The following MAP6 variants were observed in gnomAD, a reference collection of about 807,000 sequenced individuals.
MAP6 encodes the protein microtubule-associated protein 6.
Under a neutral mutation model 42.4 loss-of-function variants are expected in MAP6, and 26 were observed. That is an observed-to-expected ratio of 0.61 (90% confidence interval 0.45 to 0.85). MAP6 has a LOEUF of 0.85. MAP6 is among the 40% of genes least tolerant of loss of function. The pLI is 0.00. For synonymous variants in MAP6, 418 were observed against 443.8 expected, an observed-to-expected ratio of 0.94 and a Z score of 0.73; for missense variants, 966 against 1,099.0, an observed-to-expected ratio of 0.88 and a Z score of 1.71.
At chr11:75,623,298 T>G (rs1943140497) in intron 1 of MAP6, among the ~76,000 whole-genome samples, 1 of 152,184 alleles carries the variant, frequency 6.6e-6, no homozygotes, top group Non-Finnish European at 1.5e-5. Context: ...AACAGAAAGA[T>G]CAGTGGTTGC....
At chr11:75,603,008 CAA>C in intron 3 of MAP6, 1 of 985,628 alleles carries the variant, frequency 1.0e-6, no homozygotes, top group Middle Eastern at 5.2e-4. Flanking sequence ...GAAATAGCAC[CAA>C]GAGAGGTGTG....
At chr11:75,650,027 T>G (rs1943622763) in intron 1 of MAP6, among the ~76,000 whole-genome samples, 1 of 152,160 alleles carries the variant, frequency 6.6e-6, no homozygotes, top group Non-Finnish European at 1.5e-5. Flanking sequence ...TGGAATTGAT[T>G]CTTTGGCCAT....
At chr11:75,619,359 TTTTA>T (rs1272013095) in intron 1 of MAP6, among the ~76,000 whole-genome samples, 2 of 152,150 alleles carry the variant, frequency 1.3e-5, no homozygotes, top group African/African-American at 2.4e-5. Context: ...TACATATCTT[TTTTA>T]TTTGTTATTT....
intron 1 of MAP6, among the ~76,000 whole-genome samples, chr11:75,663,622 G>C (rs553319894): frequency 1.7e-4 from 26 of 152,260 alleles, no homozygotes; most frequent in African/African-American, 5.8e-4. Flanking sequence ...CAATGATAAG[G>C]GTTCAGAAAG....
At chr11:75,598,723 T>A (rs1393181732) in intron 3 of MAP6, among the ~76,000 whole-genome samples, 1 of 152,342 alleles carries the variant, frequency 6.6e-6, no homozygotes, top group Non-Finnish European at 1.5e-5. Context: ...TAGAAGACAC[T>A]GTCTATGGTA....
At chr11:75,636,761 A>T (rs1369688336) in intron 1 of MAP6, among the ~76,000 whole-genome samples, 1 of 152,156 alleles carries the variant, frequency 6.6e-6, no homozygotes, top group East Asian at 1.9e-4. Context: ...AGCCAATCCT[A>T]AGCCCACTTA....
intron 1 of MAP6, among the ~76,000 whole-genome samples, chr11:75,644,812 A>T (rs950887935): frequency 6.6e-6 from 1 of 152,192 alleles, no homozygotes; most frequent in Non-Finnish European, 1.5e-5. Context: ...GACTGAGTTA[A>T]GCTCCCCTCT....
intron 1 of MAP6, among the ~76,000 whole-genome samples, chr11:75,654,870 A>G (rs1456282227): frequency 1.3e-5 from 2 of 152,174 alleles, no homozygotes; most frequent in East Asian, 3.8e-4. Flanking sequence ...GCATGATTCA[A>G]ACCCAGCTTT....
chr11:75,666,732 T>C (rs1475629115), intron 1 of MAP6, among the ~76,000 whole-genome samples: 2 of 152,212 alleles, frequency 1.3e-5, no homozygotes, highest in Non-Finnish European at 2.9e-5. Context: ...TAATATTAAC[T>C]AAATAAAAAT....
chr11:75,640,927 G>A (rs1453164875), intron 1 of MAP6, among the ~76,000 whole-genome samples: 13 of 152,188 alleles, frequency 8.5e-5, no homozygotes, highest in African/African-American at 2.6e-4. Flanking sequence ...TCAGTGTGGC[G>A]ATTCCTCAGG....
At chr11:75,593,637 T>C (rs1007915593) in intron 3 of MAP6, among the ~76,000 whole-genome samples, 25 of 152,234 alleles carry the variant, frequency 1.6e-4, no homozygotes, top group African/African-American at 5.8e-4. Context: ...GCTCCTGGCA[T>C]AGGGCATAAT....
At chr11:75,611,869 G>T (rs1176026637) in intron 1 of MAP6, among the ~76,000 whole-genome samples, 1 of 152,272 alleles carries the variant, frequency 6.6e-6, no homozygotes, top group East Asian at 1.9e-4. Flanking sequence ...GAGAGGTTAA[G>T]TGGCTTGCAT....
Position 75,646,214 on chromosome 11 carries a change from C to T in MAP6, c.905+21251G>A, listed in dbSNP as rs572706978. On this transcript the variant is annotated intron_variant, in intron 1 of 3. Coordinates refer to ENST00000304771, the MANE Select transcript of MAP6 (RefSeq NM_033063.2). ...ACTTCTCACAGGCAACAGCAGAGGCCAGCATACCATAGAATGGTATCTTCA... is the reference window on the plus strand; with the variant it reads ...ACTTCTCACAGGCAACAGCAGAGGCTAGCATACCATAGAATGGTATCTTCA... Among the ~76,000 whole-genome samples the T allele has an allele frequency of 2.0e-3, 302 of 152,104 alleles. 7 individuals are homozygous for T. In the South Asian group the frequency reaches 0.061, roughly 31 times the overall value.
chr11:75,657,130 G>A (rs1193781438), intron 1 of MAP6, among the ~76,000 whole-genome samples: 1 of 55,102 alleles, frequency 1.8e-5, no homozygotes, highest in East Asian at 5.2e-4. Context: ...TTTTTTTTTT[G>A]AGACGGAGTC....
At position 75,667,616 on chromosome 11, in the gene MAP6, C is replaced by T; in HGVS notation, c.754G>A (p.Glu252Lys). ...AGPAWIVRRAEGLGHEQTPLP... is the reference protein window; with the variant it reads ...AGPAWIVRRAKGLGHEQTPLP... ...GGCGTCTGCTCGTGCCCCAGGCCCT[C>T]GGCGCGGCGCACAATCCAGGCAGGC... is the stretch of plus-strand genomic sequence containing the variant. Residue 252 changes from glutamate (E) to lysine (K), a missense_variant, in exon 1 of 4, where the codon GAG becomes AAG. By Grantham distance (56) the Glu-to-Lys change is moderately conservative (BLOSUM62 1). Transcript: ENST00000304771. This position sits in a 1 kb window ranked among gnomAD's most constrained non-coding sequence, Gnocchi z 5.6. 1 of 1,298,590 alleles carries T rather than the reference C, an allele frequency of 7.7e-7. No homozygotes were observed. The highest frequency in any genetic ancestry group is 9.7e-7 in the Non-Finnish European group (1 of 1,031,562). 80.4% of individuals were successfully genotyped at this position (1,298,590 alleles called of 1,614,324 possible). A position where few individuals can be genotyped will look rare whatever the true frequency, so the allele number is the denominator to read the frequency against.
intron 3 of MAP6, among the ~76,000 whole-genome samples, chr11:75,597,448 G>T (rs978486541): frequency 1.4e-4 from 21 of 152,150 alleles, no homozygotes; most frequent in Non-Finnish European, 8.8e-5. Flanking sequence ...ATTTTTAAAG[G>T]CATTCTCGAT....
At chr11:75,654,918 T>C (rs1943716002) in intron 1 of MAP6, among the ~76,000 whole-genome samples, 1 of 152,228 alleles carries the variant, frequency 6.6e-6, no homozygotes. Flanking sequence ...CAAGGGCACC[T>C]CCCAGGACTC....
intron 1 of MAP6, chr11:75,636,061 C>T (rs967983954): frequency 8.5e-5 from 13 of 152,122 alleles, no homozygotes; most frequent in African/African-American, 2.9e-4. Context: ...GGTCCTGGGC[C>T]CCACCCCCAT....
intron 1 of MAP6, among the ~76,000 whole-genome samples, chr11:75,614,703 A>G (rs920602622): frequency 3.3e-5 from 5 of 152,252 alleles, no homozygotes; most frequent in African/African-American, 1.2e-4. Flanking sequence ...TGACCCTCAG[A>G]AACTTTATGA....
Sources: allele counts gnomAD v4.1 joint callset (sites outside exome capture counted in the v4.1 genomes callset), GRCh38; gene constraint gnomAD v4.1.1; non-coding constraint Gnocchi (gnomAD v3.1); transcripts MANE v1.5; gene names NCBI Gene and HGNC (gene_info 2026-07-23, HGNC 2026-07-21).